The following NINJ2 variants were observed in gnomAD, a reference collection of about 807,000 sequenced individuals.
NINJ2 encodes ninjurin-2.
NINJ2 carries 12 observed loss-of-function variants against 11.7 expected under a neutral mutation model. The observed-to-expected ratio is 1.02, with a 90% CI of 0.66 to 1.66. NINJ2 has a LOEUF of 1.66. Among genes scored for constraint, NINJ2 ranks in the 40% most tolerant of loss-of-function variants. The pLI, the probability that NINJ2 is intolerant of heterozygous loss-of-function variation, is 0.00. For missense variants in NINJ2, 187 were observed against 181.8 expected, an observed-to-expected ratio of 1.03 and a Z score of -0.16; for synonymous variants, 93 against 76.8, an observed-to-expected ratio of 1.21 and a Z score of -1.10.
intron 1 of NINJ2, among the ~76,000 whole-genome samples, chr12:646,525 C>T (rs960096796): frequency 3.3e-5 from 5 of 152,156 alleles, no homozygotes; most frequent in South Asian, 2.1e-4. Context: ...CATTAAATTA[C>T]GTAGATCACC....
chr12:630,700 TA>T (rs1948269540), intron 1 of NINJ2, among the ~76,000 whole-genome samples: 1 of 152,188 alleles, frequency 6.6e-6, no homozygotes, highest in Non-Finnish European at 1.5e-5. Flanking sequence ...ACAGCCTGTA[TA>T]ATGCAAATCC....
At chr12:596,183 AC>A (rs1370934543) in intron 1 of NINJ2, among the ~76,000 whole-genome samples, 2 of 152,236 alleles carry the variant, frequency 1.3e-5, no homozygotes, top group African/African-American at 4.8e-5. Context: ...CTCAAAACTT[AC>A]GTTCACACAA....
chr12:641,615 CAGG>C (rs1358711757), intron 1 of NINJ2, among the ~76,000 whole-genome samples: 1 of 152,118 alleles, frequency 6.6e-6, no homozygotes, highest in African/African-American at 2.4e-5. Context: ...GAGGCCGAGG[CAGG>C]CGGATCACAA....
At chr12:652,017 G>GA (rs1442217213) in intron 1 of NINJ2, among the ~76,000 whole-genome samples, 3 of 151,918 alleles carry the variant, frequency 2.0e-5, no homozygotes, top group Non-Finnish European at 1.5e-5. Flanking sequence ...GAAAGGAACA[G>GA]AAAAAATATT....
At chr12:607,430 G>T (rs1025429044) in intron 1 of NINJ2, among the ~76,000 whole-genome samples, 1 of 152,112 alleles carries the variant, frequency 6.6e-6, no homozygotes, top group African/African-American at 2.4e-5. Flanking sequence ...AGAGTTCCTG[G>T]GACCATGGCA....
At chr12:567,831 T>A (rs1565616998) in intron 1 of NINJ2, among the ~76,000 whole-genome samples, 1 of 152,046 alleles carries the variant, frequency 6.6e-6, no homozygotes, top group Non-Finnish European at 1.5e-5. Flanking sequence ...CATGGCAAAA[T>A]CCCGTCTCTA....
At chr12:597,278 T>C (rs77680287) in intron 1 of NINJ2, among the ~76,000 whole-genome samples, 5,345 of 152,206 alleles carry the variant, frequency 0.035, 309 homozygotes, top group African/African-American at 0.12. Context: ...AGCATGAAAA[T>C]GATAATGGCA....
intron 1 of NINJ2, among the ~76,000 whole-genome samples, chr12:623,631 G>A (rs1307215206): frequency 6.6e-6 from 1 of 152,248 alleles, no homozygotes; most frequent in Non-Finnish European, 1.5e-5. Context: ...AGGCTAGGAA[G>A]GGATCTGGGG....
chr12:586,966 C>A (rs570530894), intron 1 of NINJ2, among the ~76,000 whole-genome samples: 59 of 152,312 alleles, frequency 3.9e-4, no homozygotes, highest in Admixed American at 2.3e-3. Flanking sequence ...CCTCTGCAGG[C>A]CTTTAACCCT....
chr12:596,685 G>A (rs770783865), intron 1 of NINJ2, among the ~76,000 whole-genome samples: 2 of 152,230 alleles, frequency 1.3e-5, no homozygotes, highest in African/African-American at 4.8e-5. Context: ...CACTTTGGGA[G>A]GTTGAAGCAG....
intron 1 of NINJ2, among the ~76,000 whole-genome samples, chr12:630,209 A>T (rs540311802): frequency 6.6e-5 from 10 of 151,646 alleles, no homozygotes; most frequent in Admixed American, 5.9e-4. Context: ...TTTGAGGCAA[A>T]TTTTTTTTCC....
At chr12:566,229 A>G (rs1337782219) in intron 1 of NINJ2, 51 bp from the exon 2 acceptor site, 1 of 1,484,126 alleles carries the variant, frequency 6.7e-7, no homozygotes, top group Non-Finnish European at 9.3e-7. Context: ...GAAGGGAAGC[A>G]GTTGAGAGGT....
intron 1 of NINJ2, among the ~76,000 whole-genome samples, chr12:606,909 C>T (rs1947948577): frequency 6.6e-6 from 1 of 152,118 alleles, no homozygotes. Flanking sequence ...GAGGACGACG[C>T]TTTGAACTGG....
Position 581,340 on chromosome 12 carries a change from T to C in NINJ2, c.34-15162A>G, listed in dbSNP as rs1046995649. 3.3e-5 allele frequency among the ~76,000 whole-genome samples: 5 copies of C among 152,098 alleles called. No homozygotes were observed. Among genetic ancestry groups the C allele is most frequent in the Non-Finnish European group, 7.4e-5 (5 of 67,996 alleles). On this transcript the variant is annotated intron_variant, in intron 1 of 3. Coordinates refer to ENST00000305108, the MANE Select transcript of NINJ2 (RefSeq NM_016533.6). The surrounding 1 kb of genome is among the most constrained non-coding windows in gnomAD (Gnocchi z 4.9). ...GCTCGGGGGGCCCAGGAGGTCAAGA[T>C]AGAGAAGTCCCTGAGCACTGAGTCT...
intron 1 of NINJ2, among the ~76,000 whole-genome samples, chr12:656,547 G>C (rs1592120489): frequency 1.3e-5 from 2 of 151,692 alleles, no homozygotes; most frequent in Admixed American, 1.3e-4. Context: ...TCAGGAGTTC[G>C]AGACCAGCCT....
intron 1 of NINJ2, among the ~76,000 whole-genome samples, chr12:579,613 G>C (rs999754055): frequency 1.3e-5 from 2 of 152,044 alleles, no homozygotes; most frequent in Non-Finnish European, 2.9e-5. Context: ...CCGAGCCCAG[G>C]ACAAATACAT....
intron 1 of NINJ2, chr12:643,845 A>G (rs1937631976): frequency 4.8e-6 from 1 of 210,398 alleles, no homozygotes; most frequent in Non-Finnish European, 8.4e-6. Flanking sequence ...CAGGTCTTAG[A>G]TGACACTTTC....
At chr12:587,197 C>A (rs376921393) in intron 1 of NINJ2, among the ~76,000 whole-genome samples, 1 of 152,140 alleles carries the variant, frequency 6.6e-6, no homozygotes, top group African/African-American at 2.4e-5. Flanking sequence ...AACAAAAAGA[C>A]TAGGGGACCA....
At chr12:598,544 G>T (rs943249558) in intron 1 of NINJ2, among the ~76,000 whole-genome samples, 2 of 151,738 alleles carry the variant, frequency 1.3e-5, no homozygotes, top group African/African-American at 4.8e-5. Flanking sequence ...TGAGGAGAAA[G>T]GGGGGGAGAC....
Sources: gnomAD v4.1 joint callset for allele counts (sites outside exome capture counted in the v4.1 genomes callset) on GRCh38, gnomAD v4.1.1 for gene constraint, Gnocchi (gnomAD v3.1) non-coding constraint, MANE v1.5 for transcripts, NCBI Gene and HGNC (gene_info 2026-07-23, HGNC 2026-07-21) for gene names.